ABCC9: variants seen among roughly 807,000 people sequenced by gnomAD.
The protein encoded by ABCC9 is ATP-binding cassette sub-family C member 9.
In ABCC9, 95 loss-of-function variants were observed where a neutral mutation model predicts 188.3. That is an observed-to-expected ratio of 0.50 (90% CI 0.43 to 0.60). The LOEUF (loss-of-function observed/expected upper bound fraction) is 0.60. Among genes scored for constraint, ABCC9 ranks in the 20% least tolerant of loss-of-function variants. ABCC9 has a pLI of 0.00. For missense variants in ABCC9, 1,102 were observed against 1,876.3 expected (o/e 0.59, Z 7.62); for synonymous variants, 659 against 652.7 (o/e 1.01, Z -0.15).
chr12:21,828,263 C>T (rs1943507283), intron 31 of ABCC9: 1 of 153,362 alleles, frequency 6.5e-6, no homozygotes, highest in Non-Finnish European at 1.5e-5. Flanking sequence ...AGCTCATTGG[C>T]TTATGAACCC....
intron 12 of ABCC9, among the ~76,000 whole-genome samples, chr12:21,899,150 T>C (rs1199875151): frequency 6.6e-6 from 1 of 152,176 alleles, no homozygotes; most frequent in Non-Finnish European, 1.5e-5. Flanking sequence ...TGATTTCTAA[T>C]GTGAAAATAA....
At chr12:21,801,465 G>A (rs532079316) in intron 39 of ABCC9, among the ~76,000 whole-genome samples, 1 of 152,276 alleles carries the variant, frequency 6.6e-6, no homozygotes, top group African/African-American at 2.4e-5. Context: ...AGTTTAAGTA[G>A]GGTAAAATTG....
intron 14 of ABCC9, among the ~76,000 whole-genome samples, chr12:21,889,641 G>A (rs545252260): frequency 3.4e-4 from 51 of 152,226 alleles, no homozygotes; most frequent in Non-Finnish European, 5.9e-4. Flanking sequence ...AGTAAAGTTG[G>A]TTGGTTCAAT....
chr12:21,816,053 T>TTTTTTTTTTTTTTTTTTTTTTTTTTTTA, intron 33 of ABCC9, among the ~76,000 whole-genome samples, 160 bp from the exon 34 acceptor site: 1 of 108,360 alleles, frequency 9.2e-6, no homozygotes, highest in African/African-American at 6.7e-5. Context: ...TTTTTTTTTT[T>TTTTTTTTTTTTTTTTTTTTTTTTTTTTA]TTTTTTTTTT....
intron 18 of ABCC9, 98 bp downstream of exon 18, chr12:21,872,527 C>T (rs1946132690): frequency 2.1e-6 from 2 of 963,436 alleles, no homozygotes; most frequent in Admixed American, 1.8e-5. Flanking sequence ...GCGTGGTCTT[C>T]AGAGTCAGAA....
Position 21,859,649 on chromosome 12 carries a change from C to G in ABCC9, c.2442G>C (p.Gly814=). ...EIGERGINLS[G]GQRQRICVAR... The stretch of plus-strand genomic sequence containing the variant: ...CCACACAGATTCTCTGCCTCTGTCC[C>G]CCACTCAGGTTGATGCCCTAGAGAA... Residue 814 remains glycine (G), a synonymous_variant, in exon 22 of 40, where the codon GGG becomes GGC. Coordinates refer to ENST00000261200, the MANE Select transcript of ABCC9 (RefSeq NM_020297.4). The G allele has an allele frequency of 6.2e-7, 1 of 1,613,850 alleles. No individual in the cohort carries two copies.
intron 33 of ABCC9, 143 bp from the exon 34 acceptor site, chr12:21,816,036 GTTTTT>G (rs10611051): frequency 3.3e-4 from 19 of 58,248 alleles, no homozygotes; most frequent in South Asian, 1.0e-3. Context: ...CTATGTGGCA[GTTTTT>G]TTTTTTTTTT....
intron 8 of ABCC9, among the ~76,000 whole-genome samples, chr12:21,911,880 G>A (rs973526543): frequency 1.2e-5 from 1 of 83,790 alleles, no homozygotes; most frequent in Non-Finnish European, 2.6e-5. Flanking sequence ...ATTCAGTGGT[G>A]AAAATATCTG....
intron 25 of ABCC9, 76 bp from the exon 26 acceptor site, chr12:21,845,908 A>T: frequency 9.5e-7 from 1 of 1,047,850 alleles, no homozygotes; most frequent in Non-Finnish European, 1.4e-6. Context: ...CACAAATAGT[A>T]TATAAACATT....
At chr12:21,806,707 T>G (rs1264118571) in intron 38 of ABCC9, among the ~76,000 whole-genome samples, 1 of 152,136 alleles carries the variant, frequency 6.6e-6, no homozygotes, top group Non-Finnish European at 1.5e-5. Flanking sequence ...GAAGTCAAAT[T>G]TTAATATCAA....
intron 8 of ABCC9, among the ~76,000 whole-genome samples, chr12:21,912,169 G>A (rs1285759271): frequency 6.6e-6 from 1 of 151,888 alleles, no homozygotes; most frequent in Non-Finnish European, 1.5e-5. Flanking sequence ...GATGGAAAGA[G>A]GACAGGAAAT....
chr12:21,861,181 T>G (rs1324876709), intron 20 of ABCC9, 126 bp from the exon 21 acceptor site: 1 of 770,188 alleles, frequency 1.3e-6, no homozygotes, highest in African/African-American at 1.7e-5. Flanking sequence ...TATGCCAGCC[T>G]CTGCTCTACA....
At chr12:21,890,074 T>C (rs547337646) in intron 14 of ABCC9, among the ~76,000 whole-genome samples, 9 of 152,164 alleles carry the variant, frequency 5.9e-5, no homozygotes, top group Non-Finnish European at 1.0e-4. Context: ...CCTAAAGAAA[T>C]GTCTGATGAA....
intron 36 of ABCC9, among the ~76,000 whole-genome samples, chr12:21,811,788 A>G (rs548240970): frequency 6.6e-6 from 1 of 152,308 alleles, no homozygotes; most frequent in South Asian, 2.1e-4. Flanking sequence ...ATGTCTGCCA[A>G]GCATCACCGT....
chr12:21,931,874 G>A (rs150159162), intron 4 of ABCC9, among the ~76,000 whole-genome samples: 81 of 152,184 alleles, frequency 5.3e-4, no homozygotes, highest in African/African-American at 1.9e-3. Flanking sequence ...ATCTATTAGA[G>A]TCTCTAATTT....
At chr12:21,939,905 C>G (rs906361099) in intron 2 of ABCC9, among the ~76,000 whole-genome samples, 1 of 152,182 alleles carries the variant, frequency 6.6e-6, no homozygotes, top group Non-Finnish European at 1.5e-5. Flanking sequence ...TTTTATTCCT[C>G]GAAATGCATT....
chr12:21,820,869 A>G (rs1030858550), intron 31 of ABCC9, among the ~76,000 whole-genome samples: 1 of 151,996 alleles, frequency 6.6e-6, no homozygotes, highest in Non-Finnish European at 1.5e-5. Flanking sequence ...AGCACTCCGA[A>G]GTGTATGAAA....
intron 22 of ABCC9, among the ~76,000 whole-genome samples, chr12:21,858,073 A>G (rs1423762686): frequency 6.6e-6 from 1 of 152,158 alleles, no homozygotes; most frequent in African/African-American, 2.4e-5. Context: ...ATTTAGTCCT[A>G]CAACTTCTTT....
rs139472403 is a variant in ABCC9 at position 21,848,232 on chromosome 12, G to C, written c.2784C>G (p.Asp928Glu). Reference protein sequence around the residue: ...DQELEKDMEADQTTLERKTLR... With the variant: ...DQELEKDMEAEQTTLERKTLR... The stretch of plus-strand genomic sequence containing the variant: ...GAGTTTTCCTCTCTAAAGTAGTTTG[G>C]TCAGCTTCCATATCCTGCAGTAAAC... Residue 928 changes from aspartate to glutamate, a missense_variant, in exon 25 of 40, where the codon GAC (aspartate) becomes GAG (glutamate). Around this residue, in one of 12 missense-constraint regions of ABCC9, gnomAD observed 131 missense variants for 170.2 expected, o/e 0.77. Transcript: ENST00000261200. The C allele has an allele frequency of 4.9e-5, 79 of 1,613,198 alleles. No homozygotes were observed. The highest frequency in any genetic ancestry group is 1.5e-5 in the Non-Finnish European group (18 of 1,179,498).
Sources: allele counts gnomAD v4.1 joint callset (sites outside exome capture counted in the v4.1 genomes callset), GRCh38; gene constraint gnomAD v4.1.1; regional missense constraint gnomAD v4.1.1; transcripts MANE v1.5; gene names NCBI Gene and HGNC (gene_info 2026-07-23, HGNC 2026-07-21).